SCOC: variants seen among roughly 807,000 people sequenced by gnomAD.
SCOC encodes the protein short coiled-coil protein.
Under a neutral mutation model 9.9 loss-of-function variants are expected in SCOC, and 7 were observed. The ratio of observed to expected loss-of-function variants is 0.71; its 90% CI spans 0.40 to 1.33. SCOC has a LOEUF of 1.33. SCOC is among the 40% of genes most tolerant of loss of function. The pLI is 0.01. For synonymous variants in SCOC, 19 were observed against 28.2 expected (o/e 0.67, Z 1.03); for missense variants, 66 against 89.7 (o/e 0.74, Z 1.07).
At chr4:140,348,532 G>A (rs1322051558) in intron 2 of SCOC, among the ~76,000 whole-genome samples, 3 of 143,298 alleles carry the variant, frequency 2.1e-5, no homozygotes, top group Non-Finnish European at 3.0e-5. Context: ...GTGAGTGTGT[G>A]TATATGTATG....
chr4:140,285,112 C>A, intron 1 of SCOC: 1 of 449,864 alleles, frequency 2.2e-6, no homozygotes, highest in South Asian at 1.6e-5. Flanking sequence ...CTTAGAGAAT[C>A]GAGGCAAACT....
chr4:140,337,728 A>C (rs559896516), intron 1 of SCOC, among the ~76,000 whole-genome samples: 1 of 152,310 alleles, frequency 6.6e-6, no homozygotes, highest in African/African-American at 2.4e-5. Flanking sequence ...CTCAACACAC[A>C]CACCCTCCCA....
intron 1 of SCOC, chr4:140,373,979 C>G: frequency 1.5e-6 from 1 of 648,370 alleles, no homozygotes; most frequent in Middle Eastern, 2.4e-4. Flanking sequence ...CGGTCCCTGA[C>G]GCAGACATCG....
chr4:140,378,126 TCCTGATTAGTCTGTTTTGATTTAAC>T (rs1256278993), intron 1 of SCOC, among the ~76,000 whole-genome samples: 2 of 152,154 alleles, frequency 1.3e-5, no homozygotes, highest in East Asian at 3.8e-4. Context: ...CTTATTTACA[TCCTGATTAGTCTGTTTTGATTTAAC>T]CCTGACTAGG....
exon 2 of SCOC, chr4:140,343,635 C>T (rs370804423): frequency 6.2e-7 from 1 of 1,612,372 alleles, no homozygotes. Context: ...GAAAATTGAA[C>T]AAGATGGACG....
intron 2 of SCOC, among the ~76,000 whole-genome samples, chr4:140,359,511 G>T (rs1335626733): frequency 6.6e-6 from 1 of 152,122 alleles, no homozygotes; most frequent in East Asian, 1.9e-4. Context: ...GCAGTCCCAA[G>T]CCTGTTCAGC....
In SCOC at chr4:140,383,782, C is replaced by G. The variant is rs1449270333; in HGVS notation, c.*2678C>G. 1 of 152,192 alleles carries G rather than the reference C, an allele frequency of 6.6e-6. No individual in the cohort carries two copies. Among genetic ancestry groups the G allele is most frequent in the Non-Finnish European group, 1.5e-5 (1 of 68,040 alleles). The allele number at this position is 152,192 out of a possible 1,614,324, so 9.4% of individuals were successfully genotyped here. A position where few individuals can be genotyped will look rare whatever the true frequency, so the allele number is the denominator to read the frequency against. ...AATACGATTCTCTCAAAAACTCAAG[C>G]CTTTTTATCAGTGTGCTTCTGATTG... On this transcript the variant is annotated 3_prime_UTR_variant, in exon 4 of 4. Coordinates refer to ENST00000608372, the MANE Select transcript of SCOC (RefSeq NM_001153484.2).
chr4:140,310,095 T>C (rs1270270769), intron 1 of SCOC, among the ~76,000 whole-genome samples: 2 of 152,198 alleles, frequency 1.3e-5, no homozygotes, highest in Admixed American at 6.5e-5. Flanking sequence ...ACTGAAACAA[T>C]AATCTTCCCT....
chr4:140,378,586 T>A (rs2126599120), intron 1 of SCOC, among the ~76,000 whole-genome samples: 1 of 152,224 alleles, frequency 6.6e-6, no homozygotes, highest in Non-Finnish European at 1.5e-5. Context: ...TAAAAATATG[T>A]CTTCTTAAAA....
intron 1 of SCOC, among the ~76,000 whole-genome samples, chr4:140,282,921 A>G (rs1731133959): frequency 6.6e-6 from 1 of 152,248 alleles, no homozygotes; most frequent in African/African-American, 2.4e-5. Context: ...TGACATGCTT[A>G]TACAAAAATA....
At chr4:140,293,260 C>A (rs1481922451) in intron 1 of SCOC, 2 of 455,856 alleles carry the variant, frequency 4.4e-6, no homozygotes, top group East Asian at 6.9e-5. Context: ...ACCCCACATA[C>A]CACTCAAGAT....
chr4:140,371,468 A>G (rs1728052318), upstream of SCOC, among the ~76,000 whole-genome samples: 1 of 152,014 alleles, frequency 6.6e-6, no homozygotes, highest in Non-Finnish European at 1.5e-5. Context: ...TGAATTTCTT[A>G]TTTTTATATA....
intron 1 of SCOC, chr4:140,285,265 T>C (rs1428336329): frequency 2.2e-6 from 1 of 456,736 alleles, no homozygotes; most frequent in Non-Finnish European, 4.4e-6. Flanking sequence ...AGGAGCAGGT[T>C]TTTCTTAAGG....
chr4:140,310,211 G>A (rs963224839), intron 1 of SCOC, among the ~76,000 whole-genome samples: 1 of 152,180 alleles, frequency 6.6e-6, no homozygotes, highest in Non-Finnish European at 1.5e-5. Flanking sequence ...AGTTGTACTT[G>A]GTTGGGTTGC....
At chr4:140,353,790 G>A (rs1041277294) in intron 2 of SCOC, among the ~76,000 whole-genome samples, 5 of 152,166 alleles carry the variant, frequency 3.3e-5, no homozygotes, top group Non-Finnish European at 2.9e-5. Context: ...CTCTCTTGCC[G>A]CCTTTCTGTT....
intron 1 of SCOC, among the ~76,000 whole-genome samples, chr4:140,323,779 C>T (rs939985656): frequency 4.6e-5 from 7 of 152,094 alleles, no homozygotes; most frequent in Non-Finnish European, 7.4e-5. Context: ...TAGATGGTTT[C>T]GCTGATAAAA....
At chr4:140,266,862 G>T (rs759972745) in intron 1 of SCOC, among the ~76,000 whole-genome samples, 2 of 152,126 alleles carry the variant, frequency 1.3e-5, no homozygotes, top group Non-Finnish European at 2.9e-5. Flanking sequence ...AAATCTTTGA[G>T]AAAAACTATT....
rs551584039 is a variant in SCOC, at chr4:140,328,453, C to T, written c.-18-15168C>T. Among the ~76,000 whole-genome samples the T allele has an allele frequency of 6.6e-5, 10 of 152,290 alleles. No homozygotes were observed. The South Asian group carries it at 1.0e-3, about 16-fold the overall frequency. On this transcript the variant is annotated intron_variant, in intron 1 of 4. Transcript: ENST00000394205. ...TAATTTCTGTGTGCCACCTTCGAGTCGACCTCTGTGCCCAACATTTTTTCA... is the reference window on the plus strand; with the variant it reads ...TAATTTCTGTGTGCCACCTTCGAGTTGACCTCTGTGCCCAACATTTTTTCA...
chr4:140,375,654 A>G (rs1217642557), intron 1 of SCOC, among the ~76,000 whole-genome samples: 1 of 152,240 alleles, frequency 6.6e-6, no homozygotes. Flanking sequence ...ATTTAATTAA[A>G]TGAATCTTGT....
Sources: gnomAD v4.1 joint callset for allele counts (sites outside exome capture counted in the v4.1 genomes callset) on GRCh38, gnomAD v4.1.1 for gene constraint, MANE v1.5 for transcripts, NCBI Gene and HGNC (gene_info 2026-07-23, HGNC 2026-07-21) for gene names.